The following PRKCE variants were observed in gnomAD, a reference collection of about 807,000 sequenced individuals.
PRKCE encodes the protein protein kinase C epsilon, also known as protein kinase C epsilon type.
PRKCE carries 16 observed loss-of-function variants against 85.4 expected under a neutral mutation model. The ratio of observed to expected loss-of-function variants is 0.19; its 90% CI spans 0.13 to 0.28. The LOEUF (loss-of-function observed/expected upper bound fraction) is 0.28. Among genes scored for constraint, PRKCE ranks in the 10% least tolerant of loss-of-function variants. PRKCE has a pLI of 1.00. For missense variants in PRKCE, 573 were observed against 975.2 expected (o/e 0.59, Z 5.49); for synonymous variants, 388 against 371.5 (o/e 1.04, Z -0.51).
intron 1 of PRKCE, among the ~76,000 whole-genome samples, chr2:45,778,369 T>G (rs116307221): frequency 1.3e-4 from 20 of 152,114 alleles, no homozygotes; most frequent in Admixed American, 4.6e-4. Context: ...GCCGCTTAGC[T>G]CCGTGGAGTT....
intron 1 of PRKCE, among the ~76,000 whole-genome samples, chr2:45,655,740 G>A (rs1165593116): frequency 6.6e-6 from 1 of 150,448 alleles, no homozygotes; most frequent in Non-Finnish European, 1.5e-5. Context: ...GGAGGCCAAA[G>A]TGGGAGGATT....
intron 6 of PRKCE, among the ~76,000 whole-genome samples, chr2:45,997,968 T>A (rs1291387762): frequency 6.6e-6 from 1 of 152,262 alleles, no homozygotes; most frequent in Non-Finnish European, 1.5e-5. Flanking sequence ...TTGAGCTATC[T>A]TTCTCTTATT....
chr2:46,086,938 A>T (rs1173610024), intron 11 of PRKCE, among the ~76,000 whole-genome samples: 1 of 152,138 alleles, frequency 6.6e-6, no homozygotes, highest in South Asian at 2.1e-4. Context: ...CTTCCAAGAA[A>T]CACACGCACG....
intron 1 of PRKCE, among the ~76,000 whole-genome samples, chr2:45,693,399 T>A (rs1677892350): frequency 6.6e-6 from 1 of 151,994 alleles, no homozygotes; most frequent in Non-Finnish European, 1.5e-5. Context: ...AGAATGGCAG[T>A]GTGATGGTTG....
intron 2 of PRKCE, among the ~76,000 whole-genome samples, chr2:45,923,212 A>T (rs1013435225): frequency 6.6e-6 from 1 of 152,230 alleles, no homozygotes; most frequent in South Asian, 2.1e-4. Flanking sequence ...TGGCACTAAA[A>T]GTCTTCTAGA....
intron 1 of PRKCE, among the ~76,000 whole-genome samples, chr2:45,752,446 C>A (rs568502913): frequency 3.5e-4 from 53 of 152,262 alleles, no homozygotes; most frequent in African/African-American, 1.3e-3. Context: ...TCCCTCCCCT[C>A]CCCACTGTTT....
intron 10 of PRKCE, among the ~76,000 whole-genome samples, chr2:46,020,970 A>G (rs1706602693): frequency 6.6e-6 from 1 of 152,230 alleles, no homozygotes. Context: ...GCAGCTAAGG[A>G]AACAGACTCA....
At chr2:45,679,263 T>C (rs1676706871) in intron 1 of PRKCE, among the ~76,000 whole-genome samples, 1 of 152,198 alleles carries the variant, frequency 6.6e-6, no homozygotes, top group Admixed American at 6.5e-5. Context: ...GGCACACATA[T>C]ACTCAAAAGA....
intron 2 of PRKCE, among the ~76,000 whole-genome samples, chr2:45,883,286 A>G (rs735112): frequency 0.37 from 56,456 of 152,140 alleles, 10,787 homozygotes; most frequent in East Asian, 0.55. Flanking sequence ...TTGTCAGAAA[A>G]CGGTAGTGTT....
chr2:45,687,588 T>C (rs1369021870), intron 1 of PRKCE, among the ~76,000 whole-genome samples: 3 of 152,208 alleles, frequency 2.0e-5, no homozygotes, highest in Non-Finnish European at 4.4e-5. Flanking sequence ...AATATTTATG[T>C]GTGAAGATAT....
At position 46,093,662 on chromosome 2, in the gene PRKCE, G is replaced by C. The variant is rs147382150; in HGVS notation, c.1592+7300G>C. ...TCTCACCTCAGCCTCCCAAATTGCT[G>C]GGATTACACAGGCATGAACCATGGC... On this transcript the variant is annotated intron_variant, in intron 11 of 14. Coordinates refer to ENST00000306156, the MANE Select transcript of PRKCE (RefSeq NM_005400.3). Among the ~76,000 whole-genome samples the C allele has an allele frequency of 5.5e-3, 831 of 151,790 alleles. 5 individuals are homozygous for C. The highest frequency in any genetic ancestry group is 0.014 in the Middle Eastern group (4 of 292).
At chr2:45,935,931 G>T (rs901287314) in intron 2 of PRKCE, among the ~76,000 whole-genome samples, 3 of 152,242 alleles carry the variant, frequency 2.0e-5, no homozygotes, top group Admixed American at 6.5e-5. Context: ...CTGGAGTGCA[G>T]GCTGGCTGGC....
intron 7 of PRKCE, among the ~76,000 whole-genome samples, chr2:46,003,128 G>A (rs6755308): frequency 0.18 from 27,510 of 152,164 alleles, 2,799 homozygotes; most frequent in African/African-American, 0.27. Flanking sequence ...CCAAAATTGG[G>A]AAAAACCAAG....
chr2:46,087,006 G>C (rs925299079), intron 11 of PRKCE, among the ~76,000 whole-genome samples: 1 of 152,082 alleles, frequency 6.6e-6, no homozygotes, highest in Non-Finnish European at 1.5e-5. Context: ...AACTACAAAG[G>C]CTCTTCTGTG....
At position 46,068,077 on chromosome 2, in the gene PRKCE, A is replaced by C. The variant is rs993661863; in HGVS notation, c.1438-18131A>C. 6.6e-6 allele frequency among the ~76,000 whole-genome samples: 1 copy of C among 152,170 alleles called. No homozygotes were observed. Among genetic ancestry groups the C allele is most frequent in the African/African-American group, 2.4e-5 (1 of 41,436 alleles). ...AACATCTTTCGTTTTCATTGTTCAG[A>C]GAGAGACTGGGGGTTTGTCTGCACT... On this transcript the variant is annotated intron_variant, in intron 10 of 14. Coordinates refer to ENST00000306156, the MANE Select transcript of PRKCE (RefSeq NM_005400.3). This position sits in a 1 kb window ranked among gnomAD's most constrained non-coding sequence, Gnocchi z 4.3.
chr2:45,981,494 C>T (rs552919401), intron 5 of PRKCE, among the ~76,000 whole-genome samples: 1 of 152,280 alleles, frequency 6.6e-6, no homozygotes, highest in South Asian at 2.1e-4. Context: ...CATACTGTCT[C>T]TGGAAAGCAA....
chr2:45,950,245 T>C (rs1171432465), intron 2 of PRKCE, among the ~76,000 whole-genome samples: 1 of 152,206 alleles, frequency 6.6e-6, no homozygotes, highest in African/African-American at 2.4e-5. Flanking sequence ...GTTTTTACCT[T>C]TACTGAAAAT....
At chr2:46,141,055 G>T (rs976800635) in intron 11 of PRKCE, among the ~76,000 whole-genome samples, 13 of 152,092 alleles carry the variant, frequency 8.5e-5, no homozygotes, top group Admixed American at 7.2e-4. Context: ...CGTATAAATT[G>T]TTCTTCCACC....
intron 6 of PRKCE, among the ~76,000 whole-genome samples, chr2:45,989,807 C>T (rs1370246512): frequency 2.0e-5 from 3 of 152,108 alleles, no homozygotes; most frequent in Non-Finnish European, 4.4e-5. Context: ...ATAAAGAGCA[C>T]AATACATAAA....
Sources: gnomAD v4.1 joint callset for allele counts (sites outside exome capture counted in the v4.1 genomes callset) on GRCh38, gnomAD v4.1.1 for gene constraint, Gnocchi (gnomAD v3.1) non-coding constraint, MANE v1.5 for transcripts, NCBI Gene and HGNC (gene_info 2026-07-23, HGNC 2026-07-21) for gene names.